ZCCHC7: variants seen among roughly 807,000 people sequenced by gnomAD.
The protein encoded by ZCCHC7 is zinc finger CCHC-type containing 7.
Under a neutral mutation model 52.0 loss-of-function variants are expected in ZCCHC7, and 35 were observed. The ratio of observed to expected loss-of-function variants is 0.67; its 90% CI spans 0.51 to 0.89. ZCCHC7 has a LOEUF of 0.89. Among genes scored for constraint, ZCCHC7 ranks in the 40% least tolerant of loss-of-function variants. ZCCHC7 has a pLI of 0.00. For synonymous variants in ZCCHC7, 217 were observed against 221.5 expected (o/e 0.98, Z 0.18); for missense variants, 574 against 649.1 (o/e 0.88, Z 1.26).
intron 2 of ZCCHC7, among the ~76,000 whole-genome samples, chr9:37,153,666 T>G (rs570182479): frequency 6.6e-6 from 1 of 151,910 alleles, no homozygotes; most frequent in East Asian, 1.9e-4. Context: ...GCAATAATAT[T>G]GGTCATCAGT....
chr9:37,130,848 G>A (rs1357862102), intron 2 of ZCCHC7, among the ~76,000 whole-genome samples: 7 of 151,914 alleles, frequency 4.6e-5, no homozygotes, highest in African/African-American at 1.7e-4. Flanking sequence ...GATACAAGTG[G>A]TTGAAACTTA....
rs749439929 is a variant in ZCCHC7 at position 37,126,369 on chromosome 9, G to A, written c.37G>A (p.Glu13Lys). Residue 13 changes from glutamate (E) to lysine (K), a missense_variant, in exon 2 of 9, where the codon GAA becomes AAA. Physicochemically the swap from Glu to Lys is moderately conservative, Grantham distance 56. Coordinates refer to ENST00000336755, the MANE Select transcript of ZCCHC7 (RefSeq NM_032226.3). ...TGGCTATGAGACTATAGAAGCATACGAAGATGATCTTTATCGAGATGAGTC... is the reference window on the plus strand; with the variant it reads ...TGGCTATGAGACTATAGAAGCATACAAAGATGATCTTTATCGAGATGAGTC... ...FGGYETIEAY[E>K]DDLYRDESSS... 7.4e-6 allele frequency: 12 copies of A among 1,613,788 alleles called. No individual in the cohort carries two copies. Among genetic ancestry groups the A allele is most frequent in the African/African-American group, 1.3e-5 (1 of 74,890 alleles).
intron 2 of ZCCHC7, among the ~76,000 whole-genome samples, chr9:37,206,809 A>G (rs1030520742): frequency 6.6e-5 from 10 of 152,140 alleles, no homozygotes; most frequent in Non-Finnish European, 1.5e-4. Flanking sequence ...AAACCTTCTC[A>G]ATGTAAGATT....
chr9:37,187,878 G>A (rs904102091), intron 2 of ZCCHC7, among the ~76,000 whole-genome samples: 1 of 151,954 alleles, frequency 6.6e-6, no homozygotes, highest in African/African-American at 2.4e-5. Flanking sequence ...TGGGTTAAAA[G>A]GTCTTTTCTG....
In ZCCHC7 at chr9:37,123,210, TGTGTGTGTGTGTGTGCGTGTGC is replaced by T. The variant is rs1842399543; in HGVS notation, c.-22+2598_-22+2619del. ...TCAAGGGTGTGTGTGTGTGTGTGTG[TGTGTGTGTGTGTGTGCGTGTGC>T]GTGTGTGTGTAAAAAACATATATTG... On this transcript the variant is annotated intron_variant, in intron 1 of 8. Transcript: ENST00000336755. Among the ~76,000 whole-genome samples, 4 of 127,194 alleles carry T rather than the reference TGTGTGTGTGTGTGTGCGTGTGC, an allele frequency of 3.1e-5. No homozygotes were observed. The South Asian group carries it at 1.1e-3, about 34-fold the overall frequency. The allele number at this position is 127,194 out of a possible 152,430, so 83.4% of individuals were successfully genotyped here.
intron 2 of ZCCHC7, among the ~76,000 whole-genome samples, chr9:37,236,361 G>A (rs187835406): frequency 1.3e-5 from 2 of 151,854 alleles, no homozygotes; most frequent in Admixed American, 6.6e-5. Flanking sequence ...TTTAACCAAG[G>A]CTCACAGGGT....
intron 2 of ZCCHC7, among the ~76,000 whole-genome samples, chr9:37,278,834 T>C (rs1827812565): frequency 6.6e-6 from 1 of 152,164 alleles, no homozygotes; most frequent in African/African-American, 2.4e-5. Context: ...GAATTCTACA[T>C]CCGGCAGAAA....
intron 2 of ZCCHC7, among the ~76,000 whole-genome samples, chr9:37,278,098 G>A (rs1022293066): frequency 6.8e-6 from 1 of 145,992 alleles, no homozygotes; most frequent in Non-Finnish European, 1.5e-5. Context: ...ACCCAGGCTG[G>A]AGTGCAGTGA....
intron 1 of ZCCHC7, among the ~76,000 whole-genome samples, chr9:37,125,791 G>C (rs1842515509): frequency 6.6e-6 from 1 of 152,188 alleles, no homozygotes; most frequent in Non-Finnish European, 1.5e-5. Context: ...CTGCATAATA[G>C]CATTTTGGTT....
chr9:37,298,777 C>G (rs1276406448), intron 2 of ZCCHC7, among the ~76,000 whole-genome samples: 1 of 152,130 alleles, frequency 6.6e-6, no homozygotes, highest in Non-Finnish European at 1.5e-5. Context: ...GTAAGTTACA[C>G]CTCATTAGTT....
intron 7 of ZCCHC7, among the ~76,000 whole-genome samples, chr9:37,350,431 C>A (rs191430360): frequency 6.6e-6 from 1 of 152,324 alleles, no homozygotes; most frequent in Admixed American, 6.5e-5. Context: ...TGCGCCCGGC[C>A]CAATTTTAGA....
At chr9:37,147,495 A>G (rs1043710030) in intron 2 of ZCCHC7, 1 of 151,908 alleles carries the variant, frequency 6.6e-6, no homozygotes, top group Non-Finnish European at 1.5e-5. Flanking sequence ...GTGGGGGGAA[A>G]AAACAAATCC....
chr9:37,156,798 T>C (rs902168212), intron 2 of ZCCHC7, among the ~76,000 whole-genome samples: 1 of 152,204 alleles, frequency 6.6e-6, no homozygotes, highest in Non-Finnish European at 1.5e-5. Flanking sequence ...GCTATCACTT[T>C]CTTTAGCCTC....
At chr9:37,145,743 T>C (rs1487261278) in intron 2 of ZCCHC7, among the ~76,000 whole-genome samples, 1 of 151,974 alleles carries the variant, frequency 6.6e-6, no homozygotes, top group Non-Finnish European at 1.5e-5. Context: ...AAAAAATTCT[T>C]ATTAAAATCA....
chr9:37,224,548 C>T (rs1343061488), intron 2 of ZCCHC7, among the ~76,000 whole-genome samples: 1 of 152,122 alleles, frequency 6.6e-6, no homozygotes, highest in Non-Finnish European at 1.5e-5. Flanking sequence ...GTATAGGACA[C>T]TAATCTTAGA....
rs146056543 is a variant in ZCCHC7 at position 37,142,426 on chromosome 9, G to A, written c.610+15484G>A. Among the ~76,000 whole-genome samples, 589 of 151,784 alleles carry A rather than the reference G, an allele frequency of 3.9e-3. 15 individuals carry two copies. Among genetic ancestry groups the A allele is most frequent in the Admixed American group, 0.035 (540 of 15,232 alleles). ...TTACAGGTTTTTTCTTGTGGATGTA[G>A]TGCTCTTAGAATATGAAACTGATTT... On this transcript the variant is annotated intron_variant, in intron 2 of 8. Coordinates refer to ENST00000336755, the MANE Select transcript of ZCCHC7 (RefSeq NM_032226.3).
intron 2 of ZCCHC7, among the ~76,000 whole-genome samples, chr9:37,188,519 CT>C (rs1219128512): frequency 9.3e-6 from 1 of 106,978 alleles, no homozygotes; most frequent in Non-Finnish European, 2.0e-5. Flanking sequence ...CCCCTCCCCC[CT>C]CTCCCCACCC....
intron 5 of ZCCHC7, among the ~76,000 whole-genome samples, chr9:37,310,185 G>A (rs1829527056): frequency 6.6e-6 from 1 of 152,148 alleles, no homozygotes; most frequent in Admixed American, 6.6e-5. Context: ...ATAAAAAGAT[G>A]GCTCAAGGCC....
intron 2 of ZCCHC7, among the ~76,000 whole-genome samples, chr9:37,162,679 G>A (rs1323936638): frequency 1.3e-5 from 2 of 152,180 alleles, no homozygotes; most frequent in African/African-American, 2.4e-5. Flanking sequence ...GAACATTTTA[G>A]TACAACTCTT....
Sources: gnomAD v4.1 joint callset for allele counts (sites outside exome capture counted in the v4.1 genomes callset) on GRCh38, gnomAD v4.1.1 for gene constraint, MANE v1.5 for transcripts, NCBI Gene and HGNC (gene_info 2026-07-23, HGNC 2026-07-21) for gene names.